The following MRC2 variants were observed in gnomAD, a reference collection of about 807,000 sequenced individuals.
The protein encoded by MRC2 is C-type mannose receptor 2.
Under a neutral mutation model 206.2 loss-of-function variants are expected in MRC2, and 84 were observed. The observed-to-expected ratio is 0.41, with a 90% confidence interval of 0.34 to 0.49. MRC2 has a LOEUF of 0.49. MRC2 is among the 20% of genes least tolerant of loss of function. MRC2 has a pLI of 0.31. For missense variants in MRC2, 1,676 were observed against 2,001.5 expected (o/e 0.84, Z 3.10); for synonymous variants, 798 against 800.0 (o/e 1.00, Z 0.04).
intron 1 of MRC2, among the ~76,000 whole-genome samples, chr17:62,631,766 C>T (rs1398414153): frequency 6.6e-6 from 1 of 152,124 alleles, no homozygotes; most frequent in Admixed American, 6.5e-5. Flanking sequence ...TCCAAGAAGG[C>T]ATTGATAAGT....
chr17:62,646,233 C>T (rs1352210975), intron 1 of MRC2, among the ~76,000 whole-genome samples: 1 of 151,790 alleles, frequency 6.6e-6, no homozygotes, highest in Non-Finnish European at 1.5e-5. Flanking sequence ...ACCGTGTTGG[C>T]CAGGATTGTC....
rs566631556 is a variant in MRC2, at chr17:62,677,499, G to T, written c.2052+13G>T. On this transcript the variant is annotated intron_variant, in intron 12 of 29. Transcript: ENST00000303375. ...GTATTGCTATAAGGTAGGGCAGCCTGTTGGCCGGGTAGGGGGCAGGGGGAG... is the reference window on the plus strand; with the variant it reads ...GTATTGCTATAAGGTAGGGCAGCCTTTTGGCCGGGTAGGGGGCAGGGGGAG... The T allele has an allele frequency of 8.1e-5, 128 of 1,581,832 alleles. 1 individual carries two copies. In the South Asian group the frequency reaches 8.2e-4, roughly 10 times the overall value.
rs2088555482 is a variant in MRC2 at position 62,651,492 on chromosome 17, A to C, written c.119-13056A>C. On this transcript the variant is annotated intron_variant, in intron 1 of 29. Transcript: ENST00000303375. ...GGGCACTTGGCCAGTGAAAACCTCC[A>C]GTGCAGGTTGTTGGGAATCTCTACC... Among the ~76,000 whole-genome samples, 3 of 152,214 alleles carry C rather than the reference A, an allele frequency of 2.0e-5. No individual in the cohort carries two copies. In the South Asian group the frequency reaches 6.2e-4, roughly 31 times the overall value.
Position 62,666,225 on chromosome 17 carries a change from G to T in MRC2, c.652G>T (p.Asp218Tyr). 1.0e-5 allele frequency: 16 copies of T among 1,602,238 alleles called. No individual in the cohort carries two copies. The highest frequency in any genetic ancestry group is 1.4e-5 in the Non-Finnish European group (16 of 1,174,684). Residue 218 changes from aspartate (D) to tyrosine (Y), a missense_variant, in exon 3 of 30, where the codon GAC becomes TAC. By Grantham distance (160) the Asp-to-Tyr change is radical (BLOSUM62 -3). Around this residue, in one of 3 missense-constraint regions of MRC2, gnomAD observed 318 missense variants for 346.7 expected, o/e 0.92. Coordinates refer to ENST00000303375, the MANE Select transcript of MRC2 (RefSeq NM_006039.5). This position sits in a 1 kb window ranked among gnomAD's most constrained non-coding sequence, Gnocchi z 5.0. ...DGHLWCATTQDYGKDERWGFC... is the reference protein window; with the variant it reads ...DGHLWCATTQYYGKDERWGFC... ...TCACCTGTGGTGTGCCACCACCCAGGACTACGGCAAAGACGAGCGCTGGGG... is the reference window on the plus strand; with the variant it reads ...TCACCTGTGGTGTGCCACCACCCAGTACTACGGCAAAGACGAGCGCTGGGG...
At chr17:62,681,357 T>C in intron 18 of MRC2, 1 of 594,486 alleles carries the variant, frequency 1.7e-6, no homozygotes, top group Non-Finnish European at 3.0e-6. Context: ...TGCGAAGTGC[T>C]TACGCAGCAT....
At chr17:62,669,623 A>G (rs2088801916) in intron 6 of MRC2, among the ~76,000 whole-genome samples, 1 of 151,882 alleles carries the variant, frequency 6.6e-6, no homozygotes, top group Admixed American at 6.6e-5. Flanking sequence ...TCCGCCTCCC[A>G]GGTTCAAGCG....
intron 13 of MRC2, chr17:62,679,502 G>A (rs1204345258): frequency 8.6e-6 from 2 of 233,336 alleles, no homozygotes; most frequent in African/African-American, 2.3e-5. Flanking sequence ...TAAAGTAAAA[G>A]CCTGCAGAAT....
chr17:62,669,656 G>T (rs952875060), intron 6 of MRC2, among the ~76,000 whole-genome samples: 26 of 152,070 alleles, frequency 1.7e-4, no homozygotes, highest in African/African-American at 6.3e-4. Context: ...AGGTTCAAGC[G>T]ATTCTCATGC....
chr17:62,679,230 T>C (rs911711588), intron 13 of MRC2, among the ~76,000 whole-genome samples: 2 of 152,184 alleles, frequency 1.3e-5, no homozygotes, highest in Non-Finnish European at 2.9e-5. Context: ...TCAGCAAACA[T>C]TGAAATTACA....
intron 1 of MRC2, among the ~76,000 whole-genome samples, chr17:62,639,159 A>T (rs2088366576): frequency 6.6e-6 from 1 of 152,134 alleles, no homozygotes; most frequent in Admixed American, 6.6e-5. Context: ...AACATGGTGA[A>T]ACCCCATCTC....
chr17:62,630,467 G>A (rs2084207393), intron 1 of MRC2, among the ~76,000 whole-genome samples: 1 of 152,190 alleles, frequency 6.6e-6, no homozygotes, highest in East Asian at 1.9e-4. Flanking sequence ...GGTGGCCAAG[G>A]CTGTCTGGAG....
chr17:62,690,226 T>G lies in MRC2; in HGVS notation c.3813T>G (p.Ile1271Met). 6.2e-7 allele frequency: 1 copy of G among 1,613,284 alleles called. No homozygotes were observed. The highest frequency in any genetic ancestry group is 8.5e-7 in the Non-Finnish European group (1 of 1,179,578). Residue 1271 changes from isoleucine to methionine, a missense_variant, in exon 26 of 30, where the codon ATT becomes ATG. This residue lies in a region of MRC2 where 1,354 missense variants were observed against 1,636.6 expected (regional missense o/e 0.83). Coordinates refer to ENST00000303375, the MANE Select transcript of MRC2 (RefSeq NM_006039.5). ...CPQGLADSAW[I>M]PFREHCYSFH... ...AGGGACTGGCAGACTCCGCGTGGATTCCCTTCCGGGAGCACTGCTATTCTT... is the reference window on the plus strand; with the variant it reads ...AGGGACTGGCAGACTCCGCGTGGATGCCCTTCCGGGAGCACTGCTATTCTT...
chr17:62,688,591 A>C lies in MRC2; in HGVS notation c.3152A>C (p.Glu1051Ala). The part of the protein sequence containing the change: ...SQRDFQWVEQ[E>A]PLMYANWAPG... ...AGGGACTTCCAGTGGGTGGAGCAGG[A>C]GCCTTTGATGTATGCCAACTGGGCA... Residue 1051 changes from glutamate to alanine, a missense_variant, in exon 22 of 30, where the codon GAG becomes GCG. By Grantham distance (107) the Glu-to-Ala change is moderately radical. This residue lies in a region of MRC2 where 1,354 missense variants were observed against 1,636.6 expected (regional missense o/e 0.83). Transcript: ENST00000303375. 1.9e-6 allele frequency: 3 copies of C among 1,614,192 alleles called. No homozygotes were observed. The highest frequency in any genetic ancestry group is 2.5e-6 in the Non-Finnish European group (3 of 1,180,038).
At chr17:62,683,510 CTTT>C (rs754026119) in intron 20 of MRC2, among the ~76,000 whole-genome samples, 311 of 123,896 alleles carry the variant, frequency 2.5e-3, no homozygotes, top group African/African-American at 9.3e-3. Context: ...AAAAAAACAC[CTTT>C]TTTTTTTTTT....
At chr17:62,679,930 G>A (rs771746862) in intron 14 of MRC2, 28 bp downstream of exon 14, 1 of 1,589,926 alleles carries the variant, frequency 6.3e-7, no homozygotes, top group Non-Finnish European at 8.6e-7. Context: ...ACTTGGGACT[G>A]CGAGGCCGGG....
At position 62,675,981 on chromosome 17, in the gene MRC2, A is replaced by G. The variant is rs985446838; in HGVS notation, c.1685+76A>G. 4 of 1,236,980 alleles carry G rather than the reference A, an allele frequency of 3.2e-6. No individual in the cohort carries two copies. Among genetic ancestry groups the G allele is most frequent in the African/African-American group, 1.5e-5 (1 of 67,018 alleles). 76.6% of individuals were successfully genotyped at this position (1,236,980 alleles called of 1,614,324 possible). ...TTGTGGTCCCTTCAGCAAACAGGGTAGCATCTGCCATCATGCCCAGAGGGA... is the reference window on the plus strand; with the variant it reads ...TTGTGGTCCCTTCAGCAAACAGGGTGGCATCTGCCATCATGCCCAGAGGGA... On this transcript the variant is annotated intron_variant, in intron 10 of 29. Coordinates refer to ENST00000303375, the MANE Select transcript of MRC2 (RefSeq NM_006039.5). The surrounding 1 kb of genome is among the most constrained non-coding windows in gnomAD (Gnocchi z 4.1).
At chr17:62,683,894 T>C (rs546270580) in intron 20 of MRC2, 12 of 152,210 alleles carry the variant, frequency 7.9e-5, no homozygotes, top group African/African-American at 2.9e-4. Flanking sequence ...TTATAATAAT[T>C]ATTGTTTAAT....
chr17:62,641,329 AAAAG>A (rs1412284692), intron 1 of MRC2, among the ~76,000 whole-genome samples: 7 of 151,724 alleles, frequency 4.6e-5, no homozygotes, highest in South Asian at 4.2e-4. Context: ...AAAAAAAAAA[AAAAG>A]AGAAGAAAAG....
Position 62,671,636 on chromosome 17 carries a change from T to C in MRC2, c.1118-13T>C, listed in dbSNP as rs750666683. 6.4e-6 allele frequency: 10 copies of C among 1,552,722 alleles called. No individual in the cohort carries two copies. The highest frequency in any genetic ancestry group is 3.8e-5 in the Admixed American group (2 of 52,982). ...GCTCAGTCCCTGAGCAGCAGCCTCA[T>C]GGGTCTCTGCAGACAGGTGGGCCAA... On this transcript the variant is annotated splice_polypyrimidine_tract_variant and intron_variant, in intron 6 of 29. Transcript: ENST00000303375. This position sits in a 1 kb window ranked among gnomAD's most constrained non-coding sequence, Gnocchi z 4.5.
Sources: allele counts gnomAD v4.1 joint callset (sites outside exome capture counted in the v4.1 genomes callset), GRCh38; gene constraint gnomAD v4.1.1; regional missense constraint gnomAD v4.1.1; non-coding constraint Gnocchi (gnomAD v3.1); transcripts MANE v1.5; gene names NCBI Gene and HGNC (gene_info 2026-07-23, HGNC 2026-07-21).